Variants in F13A1 observed in about 807,000 individuals in gnomAD.
F13A1 encodes the protein coagulation factor XIII A chain.
Under a neutral mutation model 80.1 loss-of-function variants are expected in F13A1, and 47 were observed. The observed-to-expected ratio is 0.59, with a 90% CI of 0.46 to 0.75. F13A1 has a LOEUF of 0.75. F13A1 is among the 30% of genes least tolerant of loss of function. F13A1 has a pLI of 0.00. For missense variants in F13A1, 817 were observed against 930.4 expected (o/e 0.88, Z 1.59); for synonymous variants, 349 against 344.9 (o/e 1.01, Z -0.13).
chr6:6,145,058 A>C lies in F13A1; in HGVS notation c.*561T>G, dbSNP rs992433275. On this transcript the variant is annotated 3_prime_UTR_variant, in exon 15 of 15. Coordinates refer to ENST00000264870, the MANE Select transcript of F13A1 (RefSeq NM_000129.4). ...AAGGTAAATCTAAAATTTGGCAGGC[A>C]TTTGCTTGGCTGCAGGTGCAAAATG... 1.3e-5 allele frequency: 2 copies of C among 157,546 alleles called. No homozygotes were observed. The highest frequency in any genetic ancestry group is 2.8e-5 in the Non-Finnish European group (2 of 71,090). The allele number at this position is 157,546 out of a possible 1,614,324, so 9.8% of individuals were successfully genotyped here. A position where few individuals can be genotyped will look rare whatever the true frequency, so the allele number is the denominator to read the frequency against.
chr6:6,244,720 A>G (rs1362660832), intron 6 of F13A1, among the ~76,000 whole-genome samples: 1 of 152,242 alleles, frequency 6.6e-6, no homozygotes, highest in Non-Finnish European at 1.5e-5. Flanking sequence ...GTACAGAGAC[A>G]AAATTTCACT....
rs5981 is a variant in F13A1, at chr6:6,222,149, T to A, written c.996A>T (p.Pro332=). 2 of 1,613,926 alleles carry A rather than the reference T, an allele frequency of 1.2e-6. No homozygotes were observed. The highest frequency in any genetic ancestry group is 1.7e-5 in the Admixed American group (1 of 60,010). The change falls in exon 8 of 15, where the codon CCA becomes CCT. Residue 332 remains proline (P), a synonymous_variant. Coordinates refer to ENST00000264870, the MANE Select transcript of F13A1 (RefSeq NM_000129.4). Reference sequence around the variant, plus strand: ...AGAAATAATTGGTAACAATTCTTGCTGGTATTCCAAGGCATCGTAAAACTA... The same window carrying A: ...AGAAATAATTGGTAACAATTCTTGCAGGTATTCCAAGGCATCGTAAAACTA... ...FNTFLRCLGI[P]ARIVTNYFSA... is the part of the protein sequence containing the mutation.
At chr6:6,205,062 C>T (rs1017550602) in intron 8 of F13A1, among the ~76,000 whole-genome samples, 3 of 152,170 alleles carry the variant, frequency 2.0e-5, no homozygotes, top group African/African-American at 4.8e-5. Context: ...AAATGGAGGG[C>T]GCCATGGGCA....
chr6:6,313,351 T>C lies in F13A1; in HGVS notation c.130+5184A>G, dbSNP rs531013825. On this transcript the variant is annotated intron_variant, in intron 2 of 14. Coordinates refer to ENST00000264870, the MANE Select transcript of F13A1 (RefSeq NM_000129.4). Reference sequence around the variant, plus strand: ...GCTCGCTCTTTCAAAGTGACAGCTTTCAAACTGTCTACCTAACACAATTTA... The same window carrying C: ...GCTCGCTCTTTCAAAGTGACAGCTTCCAAACTGTCTACCTAACACAATTTA... Among the ~76,000 whole-genome samples the C allele has an allele frequency of 3.2e-3, 481 of 150,942 alleles. 2 individuals carry two copies. The highest frequency in any genetic ancestry group is 3.8e-3 in the Non-Finnish European group (260 of 67,916).
At chr6:6,197,672 ATC>A (rs777372072) in intron 8 of F13A1, among the ~76,000 whole-genome samples, 2 of 134,718 alleles carry the variant, frequency 1.5e-5, no homozygotes, top group Non-Finnish European at 3.1e-5. Context: ...GGGAGACTCC[ATC>A]TCAAAAAAAA....
In F13A1 at chr6:6,162,394, G is replaced by A. The variant is rs1760591304; in HGVS notation, c.1908+5064C>T. Among the ~76,000 whole-genome samples, 1 of 152,190 alleles carries A rather than the reference G, an allele frequency of 6.6e-6. No individual in the cohort carries two copies. Among genetic ancestry groups the A allele is most frequent in the Non-Finnish European group, 1.5e-5 (1 of 68,036 alleles). On this transcript the variant is annotated intron_variant, in intron 13 of 14. Transcript: ENST00000264870. The surrounding 1 kb of genome is among the most constrained non-coding windows in gnomAD (Gnocchi z 4.2). ...CATCTCTACTGGTTGAACGTTATCT[G>A]TTCATTGGAGACCATTCATCTTTCT...
chr6:6,298,028 G>A (rs1339990908), intron 3 of F13A1, among the ~76,000 whole-genome samples: 1 of 151,196 alleles, frequency 6.6e-6, no homozygotes, highest in Non-Finnish European at 1.5e-5. Flanking sequence ...TCAGGGGCAA[G>A]TTGTTCAGTT....
At chr6:6,204,091 A>C (rs1469142267) in intron 8 of F13A1, among the ~76,000 whole-genome samples, 69 of 152,282 alleles carry the variant, frequency 4.5e-4, no homozygotes, top group Non-Finnish European at 1.3e-4. Flanking sequence ...CACAGCTGAG[A>C]CCAACATGGG....
chr6:6,219,509 T>C (rs1454278022), intron 8 of F13A1, among the ~76,000 whole-genome samples: 2 of 152,204 alleles, frequency 1.3e-5, no homozygotes, highest in Non-Finnish European at 2.9e-5. Context: ...TTACTTTCAT[T>C]CTACTGATGA....
chr6:6,202,447 A>G (rs1761413237), intron 8 of F13A1, among the ~76,000 whole-genome samples: 1 of 152,214 alleles, frequency 6.6e-6, no homozygotes. Flanking sequence ...GGTGCTCAGT[A>G]AGTGTTGGCT....
intron 14 of F13A1, among the ~76,000 whole-genome samples, chr6:6,146,681 T>C (rs1760286490): frequency 6.6e-6 from 1 of 152,208 alleles, no homozygotes; most frequent in South Asian, 2.1e-4. Context: ...AAATGGAAGG[T>C]AACCAGTGAA....
At chr6:6,267,322 G>C (rs953496589) in intron 3 of F13A1, among the ~76,000 whole-genome samples, 3 of 152,140 alleles carry the variant, frequency 2.0e-5, no homozygotes, top group Non-Finnish European at 4.4e-5. Context: ...TGTAAATCCA[G>C]CACAAATTTA....
At chr6:6,306,568 C>G (rs1332078645) in intron 2 of F13A1, among the ~76,000 whole-genome samples, 3 of 152,194 alleles carry the variant, frequency 2.0e-5, no homozygotes. Flanking sequence ...GGGGGTCATC[C>G]TAACTCCCTG....
At chr6:6,249,674 T>C (rs760945221) in intron 5 of F13A1, among the ~76,000 whole-genome samples, 13 of 152,172 alleles carry the variant, frequency 8.5e-5, no homozygotes, top group Non-Finnish European at 1.6e-4. Context: ...TAGATTGTCA[T>C]ATTTGGGCCA....
intron 6 of F13A1, among the ~76,000 whole-genome samples, chr6:6,238,331 A>C (rs185460781): frequency 6.6e-6 from 1 of 152,306 alleles, no homozygotes; most frequent in Admixed American, 6.5e-5. Context: ...TTTGATCCCT[A>C]CCTCACACAA....
At chr6:6,179,556 G>A (rs1760942589) in intron 11 of F13A1, among the ~76,000 whole-genome samples, 1 of 152,146 alleles carries the variant, frequency 6.6e-6, no homozygotes, top group Admixed American at 6.5e-5. Flanking sequence ...GTGGCCAATG[G>A]CGGCCATCAA....
At chr6:6,173,956 T>C (rs973399658) in intron 12 of F13A1, among the ~76,000 whole-genome samples, 6 of 152,064 alleles carry the variant, frequency 3.9e-5, no homozygotes, top group African/African-American at 1.4e-4. Context: ...TTTTTCAAAC[T>C]CCTGGGGAAT....
intron 6 of F13A1, 36 bp downstream of exon 6, chr6:6,248,276 T>C (rs747759494): frequency 2.0e-5 from 31 of 1,524,244 alleles, no homozygotes; most frequent in Non-Finnish European, 2.6e-5. Flanking sequence ...AAATGACAGG[T>C]GTAACAGATT....
Position 6,250,852 on chromosome 6 carries a change from C to G in F13A1, c.649G>C (p.Glu217Gln), listed in dbSNP as rs773499545. 20 of 1,613,568 alleles carry G rather than the reference C, an allele frequency of 1.2e-5. No homozygotes were observed. Among genetic ancestry groups the G allele is most frequent in the Non-Finnish European group, 1.6e-5 (19 of 1,179,766 alleles). Residue 217 changes from glutamate to glutamine, a missense_variant, in exon 5 of 15, where the codon GAG (glutamate) becomes CAG (glutamine). Physicochemically the swap from Glu to Gln is conservative, Grantham distance 29 (BLOSUM62 2). Transcript: ENST00000264870. This position sits in a 1 kb window ranked among gnomAD's most constrained non-coding sequence, Gnocchi z 4.2. ...LNDIGVIFYG[E>Q]VNDIKTRSWS... ...CTTCTGGTCTTGATGTCATTGACCTCTCCATAAAAAATTACCCCGATGTCA... is the reference window on the plus strand; with the variant it reads ...CTTCTGGTCTTGATGTCATTGACCTGTCCATAAAAAATTACCCCGATGTCA...
Sources: gnomAD v4.1 joint callset for allele counts (sites outside exome capture counted in the v4.1 genomes callset) on GRCh38, gnomAD v4.1.1 for gene constraint, Gnocchi (gnomAD v3.1) non-coding constraint, MANE v1.5 for transcripts, NCBI Gene and HGNC (gene_info 2026-07-23, HGNC 2026-07-21) for gene names.